TRIM65: variants seen among roughly 807,000 people sequenced by gnomAD.
TRIM65 encodes the protein tripartite motif containing 65.
A neutral mutation model predicts 36.1 loss-of-function variants in TRIM65; 46 were observed. The ratio of observed to expected loss-of-function variants is 1.27; its 90% confidence interval spans 1.01 to 1.63. The LOEUF (loss-of-function observed/expected upper bound fraction) is 1.63. Ranked by LOEUF, TRIM65 falls within the 40% of genes most tolerant of loss-of-function variation. The pLI is 0.00. For synonymous variants in TRIM65, 346 were observed against 313.6 expected (o/e 1.10, Z -1.09); for missense variants, 708 against 696.6 (o/e 1.02, Z -0.18).
intron 1 of TRIM65, among the ~76,000 whole-genome samples, chr17:75,895,288 C>A (rs2065330211): frequency 6.6e-6 from 1 of 152,268 alleles, no homozygotes; most frequent in South Asian, 2.1e-4. Context: ...GGTTCTTTGC[C>A]TCCCTGCACT....
downstream of TRIM65, among the ~76,000 whole-genome samples, chr17:75,886,250 C>T (rs1351430158): frequency 3.9e-5 from 6 of 152,098 alleles, no homozygotes; most frequent in Non-Finnish European, 7.4e-5. Context: ...TGGCTAGGCG[C>T]GGTGGCTCAC....
intron 1 of TRIM65, 117 bp from the exon 2 acceptor site, chr17:75,892,967 C>T (rs1274136698): frequency 1.2e-6 from 1 of 846,330 alleles, no homozygotes; most frequent in Non-Finnish European, 1.9e-6. Flanking sequence ...CACGCCACCC[C>T]AGGCCAGCCT....
downstream of TRIM65, among the ~76,000 whole-genome samples, chr17:75,887,878 G>A (rs926745233): frequency 5.9e-5 from 9 of 152,044 alleles, no homozygotes; most frequent in East Asian, 3.9e-4. Flanking sequence ...AAATTACGCC[G>A]GGCGTGGTGG....
chr17:75,892,401 C>T lies in TRIM65; in HGVS notation c.610G>A (p.Val204Met). Reference protein sequence around the residue: ...QHTTALRSIEVAKTQALAQAR... With the variant: ...QHTTALRSIEMAKTQALAQAR... Reference sequence around the variant, plus strand: ...TGTGCCAGCGCCTGCGTCTTGGCCACCTCGATGCTCCTCAGTGCTGTCGTG... The same window carrying T: ...TGTGCCAGCGCCTGCGTCTTGGCCATCTCGATGCTCCTCAGTGCTGTCGTG... The change falls in exon 3 of 6, where the codon GTG becomes ATG. Residue 204 changes from valine to methionine, a missense_variant. By Grantham distance (21) the Val-to-Met change is conservative (BLOSUM62 1). Transcript: ENST00000269383. The T allele has an allele frequency of 6.2e-7, 1 of 1,614,098 alleles. No individual in the cohort carries two copies.
Position 75,890,926 on chromosome 17 carries a change from G to A in TRIM65, c.1407C>T (p.Pro469=). ...GGAAGGTGTACAGGGGCTGGGTCTG[G>A]GGCTCCAGGCTGTAGAAGGTGAGGC... ...SGCLTFYSLE[P]QTQPLYTFHA... The change falls in exon 6 of 6, where the codon CCC becomes CCT. Residue 469 remains proline (P), a synonymous_variant. Transcript: ENST00000269383. 1 of 1,552,238 alleles carries A rather than the reference G, an allele frequency of 6.4e-7. No individual in the cohort carries two copies. Among genetic ancestry groups the A allele is most frequent in the Non-Finnish European group, 8.7e-7 (1 of 1,148,686 alleles).
intron 4 of TRIM65, among the ~76,000 whole-genome samples, chr17:75,882,200 T>C (rs1567838184): frequency 6.7e-6 from 1 of 150,246 alleles, no homozygotes. Context: ...TGTGGTGGCA[T>C]CTTGCTACTT....
At chr17:75,893,455 T>C (rs568817343) in intron 1 of TRIM65, among the ~76,000 whole-genome samples, 2 of 152,216 alleles carry the variant, frequency 1.3e-5, no homozygotes, top group South Asian at 4.1e-4. Context: ...GGACCCCTAT[T>C]CGGTTGCGCT....
intron 4 of TRIM65, among the ~76,000 whole-genome samples, chr17:75,881,164 C>T (rs1277385853): frequency 2.8e-5 from 4 of 142,192 alleles, no homozygotes; most frequent in South Asian, 2.3e-4. Flanking sequence ...GCAGGAGAAT[C>T]GCTTGAACCA....
Position 75,891,867 on chromosome 17 carries a change from G to T in TRIM65, c.931C>A (p.Pro311Thr). 1 of 1,612,500 alleles carries T rather than the reference G, an allele frequency of 6.2e-7. No individual in the cohort carries two copies. The highest frequency in any genetic ancestry group is 1.3e-5 in the African/African-American group (1 of 75,008). The change falls in exon 5 of 6, where the codon CCC becomes ACC. Residue 311 changes from proline (P) to threonine (T), a missense_variant. Coordinates refer to ENST00000269383, the MANE Select transcript of TRIM65 (RefSeq NM_173547.4). ...VDLAPVEAPG[P>T]LAPVPSTVCP... is the part of the protein sequence containing the mutation. ...ACTGTGCTTGGGACCGGTGCCAGGG[G>T]ACCTGGGGCCTCTAGGGGGCAAAGC... is the stretch of plus-strand genomic sequence containing the variant.
At position 75,891,070 on chromosome 17, in the gene TRIM65, G is replaced by T. The variant is rs2065257962; in HGVS notation, c.1263C>A (p.Cys421Ter). The T allele has an allele frequency of 6.2e-7, 1 of 1,612,188 alleles. No individual in the cohort carries two copies. The stretch of plus-strand genomic sequence containing the variant: ...CCTCCTGGACGCAGAGCCCCCAGGA[G>T]CAGGGTCCCCGGCCAATGTTGTCTG... ...PHTDNIGRGP[C>*]SWGLCVQEDS... Residue 421 changes from cysteine (C) to a stop codon, truncating the protein, a stop_gained, in exon 6 of 6, where the codon TGC (cysteine) becomes TGA (stop). Transcript: ENST00000269383. LOFTEE classifies it low-confidence loss of function (END_TRUNC).
chr17:75,883,121 T>A lies in TRIM65; in HGVS notation c.350-2492A>T, dbSNP rs977485660. On this transcript the variant is annotated intron_variant, in intron 4 of 4. Coordinates refer to the TRIM65 transcript ENST00000591668. ...TAACAGCACTTCCTTTTCTTTATGC[T>A]TTTTTTTTTTTTTTTAGACAGAGTC... Among the ~76,000 whole-genome samples the A allele has an allele frequency of 3.7e-5, 5 of 135,300 alleles. No individual in the cohort carries two copies. The East Asian group carries it at 8.3e-4, about 22-fold the overall frequency. 88.8% of individuals were successfully genotyped at this position (135,300 alleles called of 152,430 possible).
downstream of TRIM65, among the ~76,000 whole-genome samples, chr17:75,887,184 A>G (rs1244568309): frequency 6.7e-6 from 1 of 150,142 alleles, no homozygotes; most frequent in Non-Finnish European, 1.5e-5. Context: ...AGAAGAGAAA[A>G]AGCAAAAAGA....
At position 75,892,461 on chromosome 17, in the gene TRIM65, A is replaced by G. The variant is rs371943597; in HGVS notation, c.550T>C (p.Phe184Leu). The G allele has an allele frequency of 3.7e-6, 6 of 1,614,078 alleles. No homozygotes were observed. The highest frequency in any genetic ancestry group is 5.1e-6 in the Non-Finnish European group (6 of 1,179,982). The change falls in exon 3 of 6, where the codon TTC becomes CTC. Residue 184 changes from phenylalanine (F) to leucine (L), a missense_variant. Physicochemically the swap from Phe to Leu is conservative, Grantham distance 22 (BLOSUM62 0). Transcript: ENST00000269383. The stretch of plus-strand genomic sequence containing the variant: ...TCCAGGGCCTGTAGCAGGCTGCTGA[A>G]CTTGCCGGAGACCCAGGAGGCCAAG... ...CILASWVSGKFSSLLQALEIQ... is the reference protein window; with the variant it reads ...CILASWVSGKLSSLLQALEIQ...
At position 75,896,861 on chromosome 17, in the gene TRIM65, G is replaced by A. The variant is rs754758320; in HGVS notation, c.77C>T (p.Pro26Leu). 2 of 1,531,944 alleles carry A rather than the reference G, an allele frequency of 1.3e-6. No homozygotes were observed. Among genetic ancestry groups the A allele is most frequent in the East Asian group, 2.5e-5 (1 of 39,438 alleles). The allele number at this position is 1,531,944 out of a possible 1,614,324, so 94.9% of individuals were successfully genotyped here. A position where few individuals can be genotyped will look rare whatever the true frequency, so the allele number is the denominator to read the frequency against. ...GGCCCCGCAGAAGTTGTGGCCGCAGGGCAGCGTCACTGGGTCCTGGTAGAG... is the reference window on the plus strand; with the variant it reads ...GGCCCCGCAGAAGTTGTGGCCGCAGAGCAGCGTCACTGGGTCCTGGTAGAG... ...LGLYQDPVTL[P>L]CGHNFCGACI... Residue 26 changes from proline to leucine, a missense_variant, in exon 1 of 6, where the codon CCC (proline) becomes CTC (leucine). Coordinates refer to ENST00000269383, the MANE Select transcript of TRIM65 (RefSeq NM_173547.4).
At chr17:75,893,717 T>C (rs2144086491) in intron 1 of TRIM65, among the ~76,000 whole-genome samples, 1 of 152,134 alleles carries the variant, frequency 6.6e-6, no homozygotes, top group Non-Finnish European at 1.5e-5. Context: ...GCCCCCAGCC[T>C]CCAGCATTTC....
chr17:75,891,507 C>G (rs1194807517), intron 5 of TRIM65, among the ~76,000 whole-genome samples, 160 bp from the exon 6 acceptor site: 2 of 152,198 alleles, frequency 1.3e-5, no homozygotes, highest in African/African-American at 4.8e-5. Context: ...CTATCAGCCC[C>G]GTTCACAGCT....
chr17:75,891,432 G>T, intron 5 of TRIM65, 85 bp from the exon 6 acceptor site: 2 of 1,395,888 alleles, frequency 1.4e-6, no homozygotes, highest in Non-Finnish European at 2.0e-6. Flanking sequence ...CCTCCGCCAG[G>T]CACGCTGAGC....
At position 75,891,094 on chromosome 17, in the gene TRIM65, T is replaced by C. The variant is rs779548190; in HGVS notation, c.1239A>G (p.Thr413=). The change falls in exon 6 of 6, where the codon ACA becomes ACG. Residue 413 remains threonine, a synonymous_variant. Coordinates refer to ENST00000269383, the MANE Select transcript of TRIM65 (RefSeq NM_173547.4). ...AGCAGGGTCCCCGGCCAATGTTGTC[T>C]GTGTGGGGCCCCAGCCTGCACCGTG... The part of the protein sequence containing the change: ...QLPRCRLGPH[T]DNIGRGPCSW... 19 of 1,610,416 alleles carry C rather than the reference T, an allele frequency of 1.2e-5. No homozygotes were observed. The highest frequency in any genetic ancestry group is 1.3e-5 in the Non-Finnish European group (15 of 1,179,866).
rs2065263742 is a variant in TRIM65, at chr17:75,891,323, GGATCAAAGGTCA to G, written c.998_1009del (p.Leu333_Asp336del). 1 of 1,613,210 alleles carries G rather than the reference GGATCAAAGGTCA, an allele frequency of 6.2e-7. No homozygotes were observed. The highest frequency in any genetic ancestry group is 1.7e-5 in the Admixed American group (1 of 59,994). On this transcript the variant is annotated inframe_deletion, in exon 6 of 6. Transcript: ENST00000269383. Reference sequence around the variant, plus strand: ...ATAGAAGTGACGGTTGGCGCTGACTGGATCAAAGGTCAGATTGCGATAATCTGTTGGGGAAAG... The same window carrying G: ...ATAGAAGTGACGGTTGGCGCTGACTGGATTGCGATAATCTGTTGGGGAAAG...
Sources: gnomAD v4.1 joint callset for allele counts (sites outside exome capture counted in the v4.1 genomes callset) on GRCh38, gnomAD v4.1.1 for gene constraint, MANE v1.5 for transcripts, NCBI Gene and HGNC (gene_info 2026-07-23, HGNC 2026-07-21) for gene names.